DPP10: variants seen among roughly 807,000 people sequenced by gnomAD.
DPP10 encodes inactive dipeptidyl peptidase 10.
Under a neutral mutation model 120.9 loss-of-function variants are expected in DPP10, and 33 were observed. The ratio of observed to expected loss-of-function variants is 0.27; its 90% confidence interval spans 0.21 to 0.37. The LOEUF is 0.37. Among genes scored for constraint, DPP10 ranks in the 10% least tolerant of loss-of-function variants. DPP10 has a pLI of 1.00. For missense variants in DPP10, 816 were observed against 942.8 expected (o/e 0.87, Z 1.76); for synonymous variants, 337 against 326.1 (o/e 1.03, Z -0.36).
chr2:115,374,623 G>A (rs1007362280), intron 3 of DPP10, among the ~76,000 whole-genome samples: 10 of 152,188 alleles, frequency 6.6e-5, no homozygotes, highest in African/African-American at 1.2e-4. Context: ...TGAGGGCTCC[G>A]CACATGCAGC....
chr2:115,321,804 C>A (rs1353922798), intron 2 of DPP10, among the ~76,000 whole-genome samples: 1 of 152,022 alleles, frequency 6.6e-6, no homozygotes. Flanking sequence ...CTGCTCAAAT[C>A]TGCTGTTTTA....
intron 1 of DPP10, among the ~76,000 whole-genome samples, chr2:115,238,115 T>C (rs2058089086): frequency 6.6e-6 from 1 of 152,170 alleles, no homozygotes; most frequent in Admixed American, 6.5e-5. Flanking sequence ...TCTTCAAAGC[T>C]TCAAAGGACA....
At chr2:115,124,968 ACC>A (rs1376700108) in intron 1 of DPP10, among the ~76,000 whole-genome samples, 5 of 152,178 alleles carry the variant, frequency 3.3e-5, no homozygotes, top group Non-Finnish European at 4.4e-5. Flanking sequence ...ATTCATCCTA[ACC>A]ACTCCTTTTA....
intron 1 of DPP10, among the ~76,000 whole-genome samples, chr2:114,962,535 G>T (rs1009390022): frequency 6.6e-6 from 1 of 152,106 alleles, no homozygotes; most frequent in Non-Finnish European, 1.5e-5. Context: ...TTCAAAGCTT[G>T]TTCAAAATGA....
chr2:114,769,251 C>T (rs1681028787), intron 1 of DPP10, among the ~76,000 whole-genome samples: 1 of 152,108 alleles, frequency 6.6e-6, no homozygotes, highest in Non-Finnish European at 1.5e-5. Context: ...GTGGATGTTG[C>T]TTGATAACTG....
chr2:114,980,528 AG>A (rs139620732), intron 1 of DPP10, among the ~76,000 whole-genome samples: 2,154 of 152,170 alleles, frequency 0.014, 47 homozygotes, highest in African/African-American at 0.05. Context: ...TTAAAGGGCA[AG>A]CGATACATTA....
chr2:115,217,778 C>T (rs1191483241), intron 1 of DPP10, among the ~76,000 whole-genome samples: 1 of 152,134 alleles, frequency 6.6e-6, no homozygotes, highest in South Asian at 2.1e-4. Context: ...ACTGCTGATT[C>T]ACATCTTTTT....
chr2:115,771,884 A>G (rs376849221), intron 13 of DPP10, among the ~76,000 whole-genome samples: 7 of 152,190 alleles, frequency 4.6e-5, no homozygotes, highest in East Asian at 1.9e-4. Flanking sequence ...TTGCTCTCTC[A>G]TATTATCAGT....
chr2:114,465,314 T>C (rs1461112659), intron 1 of DPP10, among the ~76,000 whole-genome samples: 9 of 152,216 alleles, frequency 5.9e-5, no homozygotes, highest in Non-Finnish European at 1.2e-4. Context: ...CTTACTTGCT[T>C]TTCCCCCTTG....
chr2:115,502,992 A>C (rs982137310), intron 4 of DPP10, among the ~76,000 whole-genome samples: 4 of 152,126 alleles, frequency 2.6e-5, no homozygotes, highest in African/African-American at 7.2e-5. Flanking sequence ...AGTGAGTCAC[A>C]GAGCTTGGCC....
chr2:115,097,134 T>C (rs2048438619), intron 1 of DPP10, among the ~76,000 whole-genome samples: 1 of 151,976 alleles, frequency 6.6e-6, no homozygotes, highest in Non-Finnish European at 1.5e-5. Flanking sequence ...AGACATTCAG[T>C]TGGCCATGTT....
At chr2:115,147,889 C>A (rs952779902) in intron 1 of DPP10, among the ~76,000 whole-genome samples, 1 of 152,092 alleles carries the variant, frequency 6.6e-6, no homozygotes, top group Non-Finnish European at 1.5e-5. Flanking sequence ...GACTTTAGCT[C>A]TTTTTGGTAG....
chr2:115,110,129 C>T (rs2049141611), intron 1 of DPP10, among the ~76,000 whole-genome samples: 2 of 152,198 alleles, frequency 1.3e-5, no homozygotes, highest in South Asian at 2.1e-4. Context: ...TAATAATTAC[C>T]TCTCGATTTC....
intron 1 of DPP10, among the ~76,000 whole-genome samples, chr2:114,655,159 G>A (rs913464137): frequency 6.6e-6 from 1 of 152,110 alleles, no homozygotes; most frequent in South Asian, 2.1e-4. Context: ...AGCATCATAA[G>A]CACTTAAATG....
chr2:115,741,743 AT>A (rs199842857), intron 9 of DPP10, among the ~76,000 whole-genome samples: 3 of 151,750 alleles, frequency 2.0e-5, no homozygotes, highest in Non-Finnish European at 2.9e-5. Flanking sequence ...AAGAAATGGG[AT>A]TTTTTTTTAT....
chr2:115,392,039 C>T (rs966420891), intron 3 of DPP10, among the ~76,000 whole-genome samples: 1 of 152,136 alleles, frequency 6.6e-6, no homozygotes, highest in Non-Finnish European at 1.5e-5. Flanking sequence ...AAGTTCTCAT[C>T]TTCTCATCTG....
chr2:115,655,930 G>C (rs1049781990), intron 5 of DPP10, among the ~76,000 whole-genome samples: 1 of 151,564 alleles, frequency 6.6e-6, no homozygotes, highest in African/African-American at 2.4e-5. Flanking sequence ...ACTCATAGTA[G>C]ATAAGAATAG....
intron 5 of DPP10, among the ~76,000 whole-genome samples, chr2:115,591,148 C>G (rs763746821): frequency 6.6e-6 from 1 of 152,154 alleles, no homozygotes; most frequent in East Asian, 1.9e-4. Context: ...TGTGCAAAAG[C>G]TCTTTAGTTT....
At chr2:114,691,596 A>T (rs534601101) in intron 1 of DPP10, among the ~76,000 whole-genome samples, 58 of 150,320 alleles carry the variant, frequency 3.9e-4, no homozygotes, top group Non-Finnish European at 7.5e-4. Context: ...AGTTAGGAAG[A>T]AGTCATTCAA....
Sources: allele counts gnomAD v4.1 joint callset (sites outside exome capture counted in the v4.1 genomes callset), GRCh38; gene constraint gnomAD v4.1.1; transcripts MANE v1.5; gene names NCBI Gene and HGNC (gene_info 2026-07-23, HGNC 2026-07-21).